Variants in RBM22 observed in about 807,000 individuals in gnomAD.
RBM22 encodes pre-mRNA-splicing factor RBM22.
RBM22 carries 1 observed loss-of-function variant against 50.1 expected under a neutral mutation model. The observed-to-expected ratio is 0.02, with a 90% confidence interval of 0.01 to 0.09. The LOEUF (loss-of-function observed/expected upper bound fraction) is 0.09, where lower values mean the gene tolerates loss of function less well. Ranked by LOEUF, RBM22 falls within the 10% of genes least tolerant of loss-of-function variation. RBM22 has a pLI of 1.00. For missense variants in RBM22, 264 were observed against 529.3 expected, an observed-to-expected ratio of 0.50 and a Z score of 4.92; for synonymous variants, 152 against 179.0, an observed-to-expected ratio of 0.85 and a Z score of 1.20.
At position 150,696,113 on chromosome 5, in the gene RBM22, A is replaced by C. The variant is rs1561678625; in HGVS notation, c.546-407T>G. Among the ~76,000 whole-genome samples, 2 of 151,494 alleles carry C rather than the reference A, an allele frequency of 1.3e-5. No individual in the cohort carries two copies. Among genetic ancestry groups the C allele is most frequent in the Non-Finnish European group, 2.9e-5 (2 of 67,916 alleles). ...ACCTCGCCCCAGAGAAAGCACATAC[A>C]TTATTTTTTAGGGGGTGGGGTTAAC... On this transcript the variant is annotated intron_variant, in intron 6 of 10. Coordinates refer to ENST00000199814, the MANE Select transcript of RBM22 (RefSeq NM_018047.3). This position sits in a 1 kb window ranked among gnomAD's most constrained non-coding sequence, Gnocchi z 4.3.
chr5:150,693,357 C>A lies in RBM22; in HGVS notation c.912-50G>T, dbSNP rs751771510. 6 of 1,412,102 alleles carry A rather than the reference C, an allele frequency of 4.2e-6. No individual in the cohort carries two copies. The South Asian group carries it at 5.8e-5, about 14-fold the overall frequency. 87.5% of individuals were successfully genotyped at this position (1,412,102 alleles called of 1,614,324 possible). ...CGGCACTCTGGCCCACCTTATCTCA[C>A]ACCTCTGCTTCTTACATTCCCCAGT... On this transcript the variant is annotated intron_variant, in intron 8 of 10. Transcript: ENST00000199814.
At position 150,693,541 on chromosome 5, in the gene RBM22, C is replaced by T. The variant is rs144556871; in HGVS notation, c.912-234G>A. ...TAAGGACCAGAAAAGGCAACACATA[C>T]GTGTTTAGCACAGTGCTTACCACAT... On this transcript the variant is annotated intron_variant, in intron 8 of 10. Transcript: ENST00000199814. Among the ~76,000 whole-genome samples the T allele has an allele frequency of 4.9e-3, 742 of 152,334 alleles. 7 individuals carry two copies. The highest frequency in any genetic ancestry group is 5.1e-3 in the Non-Finnish European group (346 of 68,028).
At chr5:150,692,008 G>C (rs3733926) in intron 10 of RBM22, 127 bp from the exon 11 acceptor site, 56,205 of 1,078,296 alleles carry the variant, frequency 0.052, 1,802 homozygotes, top group South Asian at 0.12. Flanking sequence ...TTAAGCAAAT[G>C]TCAGTTCACA....
At chr5:150,692,822 AC>A (rs1197404093) in intron 10 of RBM22, 72 bp downstream of exon 10, 4 of 1,431,448 alleles carry the variant, frequency 2.8e-6, no homozygotes, top group Non-Finnish European at 3.8e-6. Context: ...GATGTGTTGA[AC>A]ATGATGGTGA....
At chr5:150,693,049 C>T (rs1450047854) in intron 9 of RBM22, 23 bp from the exon 10 acceptor site, 2 of 1,595,452 alleles carry the variant, frequency 1.3e-6, no homozygotes, top group Admixed American at 3.5e-5. Context: ...AAATAGTCAA[C>T]ACATAGAGGG....
At chr5:150,699,425 CTT>C (rs1033638121) in intron 2 of RBM22, among the ~76,000 whole-genome samples, 154 bp from the exon 3 acceptor site, 37 of 152,250 alleles carry the variant, frequency 2.4e-4, no homozygotes, top group African/African-American at 8.9e-4. Context: ...AAAACCCAAC[CTT>C]TTTTGGGAAG....
In RBM22 at chr5:150,697,795, G is replaced by A. The variant is rs375796034; in HGVS notation, c.271+704C>T. On this transcript the variant is annotated intron_variant, in intron 4 of 10. Coordinates refer to ENST00000199814, the MANE Select transcript of RBM22 (RefSeq NM_018047.3). ...ATCTTTCTGAAAAACAGTCACCTAT[G>A]GTTAAAAAAAAAATTACTCCCAAAA... The A allele has an allele frequency of 2.4e-5, 7 of 293,818 alleles. No homozygotes were observed. The East Asian group carries it at 7.8e-4, about 33-fold the overall frequency. 18.2% of individuals were successfully genotyped at this position (293,818 alleles called of 1,614,324 possible).
In RBM22 at chr5:150,696,898, CA is replaced by C; in HGVS notation, c.272-8del. The C allele has an allele frequency of 6.2e-7, 1 of 1,611,644 alleles. No individual in the cohort carries two copies. Among genetic ancestry groups the C allele is most frequent in the Non-Finnish European group, 8.5e-7 (1 of 1,179,084 alleles). ...CGAACCTGGATGGGCAGGCCTGGTA[CA>C]AAAAAAGAGGAAAAAGACCTCAGAT... On this transcript the variant is annotated splice_region_variant and splice_polypyrimidine_tract_variant and intron_variant, in intron 4 of 10. Transcript: ENST00000199814. The surrounding 1 kb of genome is among the most constrained non-coding windows in gnomAD (Gnocchi z 4.3).
chr5:150,695,380 T>C (rs1206335662), intron 7 of RBM22, 126 bp downstream of exon 7: 3 of 834,526 alleles, frequency 3.6e-6, no homozygotes, highest in Non-Finnish European at 5.5e-6. Flanking sequence ...GTCAGCATGA[T>C]ACTAACAATA....
chr5:150,696,970 A>C lies in RBM22; in HGVS notation c.272-79T>G. 1 of 1,317,490 alleles carries C rather than the reference A, an allele frequency of 7.6e-7. No homozygotes were observed. Among genetic ancestry groups the C allele is most frequent in the South Asian group, 1.2e-5 (1 of 80,998 alleles). The allele number at this position is 1,317,490 out of a possible 1,614,324, so 81.6% of individuals were successfully genotyped here. A position where few individuals can be genotyped will look rare whatever the true frequency, so the allele number is the denominator to read the frequency against. On this transcript the variant is annotated intron_variant, in intron 4 of 10. Coordinates refer to ENST00000199814, the MANE Select transcript of RBM22 (RefSeq NM_018047.3). The surrounding 1 kb of genome is among the most constrained non-coding windows in gnomAD (Gnocchi z 4.3). ...ACTAACCATGCACACAGAATACATC[A>C]TCTTTCCCTTCTCCTCTTTCCTATT... is the stretch of plus-strand genomic sequence containing the variant.
rs369343969 is a variant in RBM22, at chr5:150,694,258, G to T, written c.747-18C>A. The T allele has an allele frequency of 6.3e-7, 1 of 1,599,234 alleles. No individual in the cohort carries two copies. Among genetic ancestry groups the T allele is most frequent in the Non-Finnish European group, 8.5e-7 (1 of 1,172,032 alleles). On this transcript the variant is annotated intron_variant, in intron 7 of 10. Coordinates refer to ENST00000199814, the MANE Select transcript of RBM22 (RefSeq NM_018047.3). ...AATGATTTCTGAAGGGAAACAGGCA[G>T]AGAAAAATGAAAGTGGGAGTTAAAA...
chr5:150,700,400 C>A (rs1293094295), intron 2 of RBM22, 44 bp downstream of exon 2: 1 of 1,556,010 alleles, frequency 6.4e-7, no homozygotes. Flanking sequence ...AGTACCACAA[C>A]ATCGACAGGA....
Position 150,693,241 on chromosome 5 carries a change from T to A in RBM22, c.978A>T (p.Glu326Asp), listed in dbSNP as rs1759232478. 1.2e-6 allele frequency: 2 copies of A among 1,613,874 alleles called. No homozygotes were observed. Among genetic ancestry groups the A allele is most frequent in the Non-Finnish European group, 8.5e-7 (1 of 1,179,828 alleles). Residue 326 changes from glutamate (E) to aspartate (D), a missense_variant, in exon 9 of 11, where the codon GAA becomes GAT. By Grantham distance (45) the Glu-to-Asp change is conservative (BLOSUM62 2). Transcript: ENST00000199814. ...DGTTDSGIKL[E>D]PVPGLPGALP... The stretch of plus-strand genomic sequence containing the variant: ...CACCTCCTGGCAATCCTGGAACAGG[T>A]TCTAGTTTGATCCCAGAGTCTGTAG...
chr5:150,692,923 G>A lies in RBM22; in HGVS notation c.1104C>T (p.Pro368=). The change falls in exon 10 of 11, where the codon CCC becomes CCT. Residue 368 remains proline (P), a synonymous_variant. Coordinates refer to ENST00000199814, the MANE Select transcript of RBM22 (RefSeq NM_018047.3). ...GGGGTGGGGGTGGAGCAATGCCAGG[G>A]GGCGGTGGCAGAGCAATGTTCACCA... ...PAVVNIALPP[P]PGIAPPPPPG... 2 of 1,611,648 alleles carry A rather than the reference G, an allele frequency of 1.2e-6. No individual in the cohort carries two copies. Among genetic ancestry groups the A allele is most frequent in the African/African-American group, 1.3e-5 (1 of 74,938 alleles).
Position 150,691,709 on chromosome 5 carries a change from A to G in RBM22, c.*42T>C. On this transcript the variant is annotated 3_prime_UTR_variant, in exon 11 of 11. Coordinates refer to ENST00000199814, the MANE Select transcript of RBM22 (RefSeq NM_018047.3). ...ATTCCAAGATTTACTGGGAGTTTTA[A>G]GTGCCCTTTCTTCCACAGAGCCCCA... 1 of 1,452,746 alleles carries G rather than the reference A, an allele frequency of 6.9e-7. No individual in the cohort carries two copies. The highest frequency in any genetic ancestry group is 9.1e-7 in the Non-Finnish European group (1 of 1,095,548). The allele number at this position is 1,452,746 out of a possible 1,614,324, so 90.0% of individuals were successfully genotyped here.
chr5:150,693,633 T>C (rs1759238029), intron 8 of RBM22, among the ~76,000 whole-genome samples: 1 of 152,224 alleles, frequency 6.6e-6, no homozygotes, highest in Admixed American at 6.5e-5. Context: ...GTTGGAGACA[T>C]GTTCCCCCTT....
rs751790872 is a variant in RBM22 at position 150,700,773 on chromosome 5, AG to A, written c.54+158del. On this transcript the variant is annotated intron_variant, in intron 1 of 10. Coordinates refer to ENST00000199814, the MANE Select transcript of RBM22 (RefSeq NM_018047.3). Reference sequence around the variant, plus strand: ...CTAAGCCCCCTCCCTTCAAGCCCGCAGGAGGATCGCCCTCCGCCCTCCTGCT... The same window carrying A: ...CTAAGCCCCCTCCCTTCAAGCCCGCAGAGGATCGCCCTCCGCCCTCCTGCT... 3 of 1,555,408 alleles carry A rather than the reference AG, an allele frequency of 1.9e-6. No homozygotes were observed. In the East Asian group the frequency reaches 7.2e-5, roughly 37 times the overall value.
chr5:150,700,109 C>T (rs1759325906), intron 2 of RBM22, among the ~76,000 whole-genome samples: 1 of 152,234 alleles, frequency 6.6e-6, no homozygotes, highest in South Asian at 2.1e-4. Flanking sequence ...TCCTATCATG[C>T]TGACATTCCT....
chr5:150,693,173 T>G, intron 9 of RBM22, 46 bp downstream of exon 9: 2 of 1,578,122 alleles, frequency 1.3e-6, no homozygotes, highest in Non-Finnish European at 1.7e-6. Context: ...AATAGGAACA[T>G]CAGGGCAGAA....
Sources: allele counts gnomAD v4.1 joint callset (sites outside exome capture counted in the v4.1 genomes callset), GRCh38; gene constraint gnomAD v4.1.1; non-coding constraint Gnocchi (gnomAD v3.1); transcripts MANE v1.5; gene names NCBI Gene and HGNC (gene_info 2026-07-23, HGNC 2026-07-21).